The following NTM variants were observed in gnomAD, a reference collection of about 807,000 sequenced individuals.
NTM encodes IgLON family member 2.
A neutral mutation model predicts 42.1 loss-of-function variants in NTM; 13 were observed. That is an observed-to-expected ratio of 0.31 (90% CI 0.20 to 0.49). The LOEUF (loss-of-function observed/expected upper bound fraction) is 0.49, where lower values mean the gene tolerates loss of function less well. NTM is among the 20% of genes least tolerant of loss of function. The pLI, the probability that NTM is intolerant of heterozygous loss-of-function variation, is 0.99. For missense variants in NTM, 373 were observed against 452.8 expected, an observed-to-expected ratio of 0.82 and a Z score of 1.60; for synonymous variants, 187 against 179.2, an observed-to-expected ratio of 1.04 and a Z score of -0.35.
chr11:131,421,757 C>A (rs1947554996), intron 1 of NTM, among the ~76,000 whole-genome samples: 1 of 152,206 alleles, frequency 6.6e-6, no homozygotes, highest in African/African-American at 2.4e-5. Context: ...AAGAACTACC[C>A]ACCTTAGCCT....
chr11:131,479,319 T>A (rs1294922164), intron 1 of NTM, among the ~76,000 whole-genome samples: 4 of 152,120 alleles, frequency 2.6e-5, no homozygotes, highest in Non-Finnish European at 5.9e-5. Context: ...GAGAGAAGAA[T>A]ATTCCAGACA....
At chr11:132,120,063 T>C (rs78725812) in intron 2 of NTM, among the ~76,000 whole-genome samples, 1 of 152,268 alleles carries the variant, frequency 6.6e-6, no homozygotes, top group East Asian at 1.9e-4. Flanking sequence ...AGGACCCCCG[T>C]CTGAGCCCCC....
At chr11:132,177,661 G>A (rs1226745946) in intron 3 of NTM, among the ~76,000 whole-genome samples, 1 of 152,188 alleles carries the variant, frequency 6.6e-6, no homozygotes, top group Non-Finnish European at 1.5e-5. Context: ...CCATAACTGA[G>A]TTCAGTGATT....
At chr11:131,931,507 G>A (rs1024994430) in intron 2 of NTM, among the ~76,000 whole-genome samples, 21 of 146,750 alleles carry the variant, frequency 1.4e-4, no homozygotes, top group African/African-American at 5.0e-4. Context: ...GTGTGTGTAT[G>A]TGTGTGTGTT....
chr11:131,879,358 A>G (rs913527906), intron 1 of NTM, among the ~76,000 whole-genome samples: 1 of 152,166 alleles, frequency 6.6e-6, no homozygotes, highest in African/African-American at 2.4e-5. Context: ...TCCTGGGTCA[A>G]GTTAGAGACT....
At chr11:131,758,514 C>A (rs1399012037) in intron 1 of NTM, among the ~76,000 whole-genome samples, 3 of 152,088 alleles carry the variant, frequency 2.0e-5, no homozygotes, top group Non-Finnish European at 4.4e-5. Flanking sequence ...GGTATACTTA[C>A]AGTTTTCTGC....
intron 8 of NTM, among the ~76,000 whole-genome samples, chr11:132,331,641 C>G (rs1215410882): frequency 6.6e-6 from 1 of 152,148 alleles, no homozygotes; most frequent in Non-Finnish European, 1.5e-5. Context: ...TCTTAAGGAA[C>G]TTACTGCACA....
At chr11:131,788,977 G>A (rs187669242) in intron 1 of NTM, among the ~76,000 whole-genome samples, 3 of 152,190 alleles carry the variant, frequency 2.0e-5, no homozygotes, top group South Asian at 2.1e-4. Context: ...CTCATTACCC[G>A]TTTGCTGAGC....
chr11:131,908,831 A>G (rs2054252708), intron 1 of NTM, among the ~76,000 whole-genome samples: 1 of 152,234 alleles, frequency 6.6e-6, no homozygotes, highest in Admixed American at 6.5e-5. Context: ...CCAAGAATGG[A>G]CTAGTGCTAA....
intron 1 of NTM, among the ~76,000 whole-genome samples, chr11:131,447,497 C>T (rs1950149580): frequency 6.6e-6 from 1 of 152,120 alleles, no homozygotes; most frequent in Admixed American, 6.6e-5. Flanking sequence ...ATTCCTAATC[C>T]CCACATTAGC....
intron 2 of NTM, among the ~76,000 whole-genome samples, chr11:132,075,661 C>T (rs974627116): frequency 1.3e-5 from 2 of 152,178 alleles, no homozygotes; most frequent in African/African-American, 2.4e-5. Flanking sequence ...GCAGTCTACA[C>T]AGAAATCTAA....
chr11:131,630,458 C>CTT (rs11450257), intron 1 of NTM, among the ~76,000 whole-genome samples: 1 of 151,986 alleles, frequency 6.6e-6, no homozygotes, highest in Non-Finnish European at 1.5e-5. Flanking sequence ...CTCAGTGTTT[C>CTT]TTTTTTGCAT....
intron 1 of NTM, among the ~76,000 whole-genome samples, chr11:131,383,622 T>C (rs961163034): frequency 8.6e-5 from 13 of 151,924 alleles, no homozygotes; most frequent in African/African-American, 2.4e-5. Context: ...GGAGGAGGAA[T>C]GTAGGTGGAA....
chr11:132,331,740 C>T (rs1386330611), intron 8 of NTM, among the ~76,000 whole-genome samples: 1 of 152,170 alleles, frequency 6.6e-6, no homozygotes, highest in Non-Finnish European at 1.5e-5. Flanking sequence ...GTGTATGGCA[C>T]TGAGCAAGGC....
chr11:132,046,781 C>G (rs2078064826), intron 2 of NTM, among the ~76,000 whole-genome samples: 1 of 152,164 alleles, frequency 6.6e-6, no homozygotes, highest in Admixed American at 6.6e-5. Flanking sequence ...GAGATCACAG[C>G]TGAGCACTGG....
chr11:131,381,572 A>G (rs1172821166), intron 1 of NTM, among the ~76,000 whole-genome samples: 1 of 152,032 alleles, frequency 6.6e-6, no homozygotes, highest in Non-Finnish European at 1.5e-5. Context: ...CATACTGCTA[A>G]CTCCTTGTCC....
chr11:131,890,160 C>CTCTA (rs150987023), intron 1 of NTM, among the ~76,000 whole-genome samples: 2 of 148,230 alleles, frequency 1.3e-5, no homozygotes, highest in African/African-American at 5.1e-5. Context: ...CTCTCTGTCT[C>CTCTA]TCTCTCTCTC....
At chr11:131,436,815 C>T (rs564622179) in intron 1 of NTM, among the ~76,000 whole-genome samples, 107 of 152,038 alleles carry the variant, frequency 7.0e-4, no homozygotes, top group Middle Eastern at 3.4e-3. Context: ...TTATTTCTTG[C>T]CTTCTGCTAG....
intron 1 of NTM, among the ~76,000 whole-genome samples, chr11:131,425,748 A>T (rs1199996394): frequency 6.6e-6 from 1 of 152,172 alleles, no homozygotes; most frequent in Non-Finnish European, 1.5e-5. Context: ...AGGAATCATG[A>T]TGTAATCATG....
Sources: allele counts gnomAD v4.1 joint callset (sites outside exome capture counted in the v4.1 genomes callset), GRCh38; gene constraint gnomAD v4.1.1; transcripts MANE v1.5; gene names NCBI Gene and HGNC (gene_info 2026-07-23, HGNC 2026-07-21).